The following DPY30 variants were observed in gnomAD, a reference collection of about 807,000 sequenced individuals.
The protein encoded by DPY30 is protein dpy-30 homolog.
Under a neutral mutation model 16.2 loss-of-function variants are expected in DPY30, and 6 were observed. The observed-to-expected ratio is 0.37, with a 90% confidence interval of 0.20 to 0.73. DPY30 has a LOEUF of 0.73. DPY30 is among the 30% of genes least tolerant of loss of function. DPY30 has a pLI of 0.51. For synonymous variants in DPY30, 39 were observed against 38.8 expected (o/e 1.00, Z -0.02); for missense variants, 73 against 113.1 (o/e 0.65, Z 1.61).
intron 3 of DPY30, among the ~76,000 whole-genome samples, chr2:32,036,690 AC>A (rs1229616279): frequency 6.7e-6 from 1 of 149,186 alleles, no homozygotes; most frequent in Non-Finnish European, 1.5e-5. Flanking sequence ...AAAAAAAGAA[AC>A]CCAGTGTCTA....
At chr2:32,016,214 T>A (rs767593619) in intron 5 of DPY30, among the ~76,000 whole-genome samples, 1 of 152,164 alleles carries the variant, frequency 6.6e-6, no homozygotes, top group Admixed American at 6.6e-5. Flanking sequence ...CTGGCAAGGT[T>A]TTTTAAAAAA....
At chr2:32,029,454 T>C (rs1161697216) in intron 4 of DPY30, 140 bp downstream of exon 4, 4 of 981,682 alleles carry the variant, frequency 4.1e-6, no homozygotes, top group Non-Finnish European at 5.9e-6. Flanking sequence ...ATTATGAGAT[T>C]ATGGCTGAAT....
intron 4 of DPY30, among the ~76,000 whole-genome samples, chr2:32,029,340 TAATA>T (rs1189419074): frequency 2.0e-5 from 3 of 152,256 alleles, no homozygotes; most frequent in Admixed American, 6.6e-5. Flanking sequence ...TGTTATGTCA[TAATA>T]AATAAAAAGA....
chr2:32,022,007 C>T (rs571808147), downstream of DPY30, among the ~76,000 whole-genome samples: 54 of 151,964 alleles, frequency 3.6e-4, 1 homozygote, highest in East Asian at 2.7e-3. Flanking sequence ...GTCAGGAATT[C>T]GAGACCAGCC....
In DPY30 at chr2:32,024,075, G is replaced by C; in HGVS notation, c.*109C>G. 3 of 1,516,432 alleles carry C rather than the reference G, an allele frequency of 2.0e-6. No individual in the cohort carries two copies. The highest frequency in any genetic ancestry group is 2.8e-5 in the African/African-American group (2 of 71,186). The allele number at this position is 1,516,432 out of a possible 1,614,324, so 93.9% of individuals were successfully genotyped here. Reference sequence around the variant, plus strand: ...ATTCCAGAAATAGGTTCTGTTGTCCGGAAGGTTCTTATACATCCAAAAAGA... The same window carrying C: ...ATTCCAGAAATAGGTTCTGTTGTCCCGAAGGTTCTTATACATCCAAAAAGA... On this transcript the variant is annotated 3_prime_UTR_variant, in exon 5 of 5. Coordinates refer to ENST00000342166, the MANE Select transcript of DPY30 (RefSeq NM_001321209.2).
Position 32,014,020 on chromosome 2 carries a change from G to A in DPY30, n.378-1968C>T, listed in dbSNP as rs115265721. On this transcript the variant is annotated intron_variant and non_coding_transcript_variant, in intron 5 of 5. Coordinates refer to the DPY30 transcript ENST00000414013. ...CAAGACTCTGAGAAAGAAAGAAAGAGAGAAAGAGAGAGACAGAGAGGGAGG... is the reference window on the plus strand; with the variant it reads ...CAAGACTCTGAGAAAGAAAGAAAGAAAGAAAGAGAGAGACAGAGAGGGAGG... 2.3e-3 allele frequency among the ~76,000 whole-genome samples: 340 copies of A among 147,346 alleles called. 1 individual carries two copies. The highest frequency in any genetic ancestry group is 8.0e-3 in the African/African-American group (323 of 40,610).
intron 3 of DPY30, among the ~76,000 whole-genome samples, chr2:32,035,485 G>A (rs911376229): frequency 1.3e-5 from 2 of 151,568 alleles, no homozygotes; most frequent in African/African-American, 4.9e-5. Flanking sequence ...AGCTACTTGG[G>A]AGGCTGAGGC....
chr2:32,019,473 T>C (rs1447083559), downstream of DPY30, among the ~76,000 whole-genome samples: 2 of 152,086 alleles, frequency 1.3e-5, no homozygotes, highest in Non-Finnish European at 2.9e-5. Flanking sequence ...ATCATATCAC[T>C]GCACTCCAGC....
chr2:32,023,863 G>T, downstream of DPY30: 1 of 1,317,804 alleles, frequency 7.6e-7, no homozygotes, highest in Non-Finnish European at 1.0e-6. Context: ...ATTCAATCAT[G>T]TAAAATATTT....
downstream of DPY30, among the ~76,000 whole-genome samples, chr2:32,023,081 G>GATCCAC (rs1675220479): frequency 6.6e-6 from 1 of 151,592 alleles, no homozygotes; most frequent in South Asian, 2.1e-4. Context: ...ACTTTGGGGG[G>GATCCAC]CCAAGGCAGG....
At chr2:32,014,596 G>C (rs976314426) in intron 5 of DPY30, among the ~76,000 whole-genome samples, 1 of 151,528 alleles carries the variant, frequency 6.6e-6, no homozygotes, top group African/African-American at 2.4e-5. Flanking sequence ...CCATTCTCCT[G>C]CCTCAGCCTC....
At chr2:32,014,708 C>A (rs1313792925) in intron 5 of DPY30, among the ~76,000 whole-genome samples, 1 of 151,890 alleles carries the variant, frequency 6.6e-6, no homozygotes, top group Non-Finnish European at 1.5e-5. Flanking sequence ...TGGTTTCGAT[C>A]TCCTGACCTC....
chr2:32,023,918 GT>G lies in DPY30; in HGVS notation c.*265del. ...ACTTTAAAATAATGGTGTTTTGACA[GT>G]TTATTTTGAAGGTCATTTTAAAAAC... is the stretch of plus-strand genomic sequence containing the variant. On this transcript the variant is annotated 3_prime_UTR_variant, in exon 5 of 5. Transcript: ENST00000342166. 1 of 1,355,102 alleles carries G rather than the reference GT, an allele frequency of 7.4e-7. No homozygotes were observed. The highest frequency in any genetic ancestry group is 1.5e-5 in the South Asian group (1 of 68,706). The allele number at this position is 1,355,102 out of a possible 1,614,324, so 83.9% of individuals were successfully genotyped here. A position where few individuals can be genotyped will look rare whatever the true frequency, so the allele number is the denominator to read the frequency against.
chr2:32,038,207 C>T (rs1253392317), intron 3 of DPY30, among the ~76,000 whole-genome samples: 2 of 147,558 alleles, frequency 1.4e-5, no homozygotes, highest in African/African-American at 5.0e-5. Context: ...ATGATCTCGG[C>T]TCACTGCAAC....
At chr2:32,039,516 A>T in intron 1 of DPY30, 24 bp from the exon 2 acceptor site, 1 of 1,612,160 alleles carries the variant, frequency 6.2e-7, no homozygotes, top group Non-Finnish European at 8.5e-7. Context: ...AAGAGCCGCG[A>T]GTTACCTGGG....
chr2:32,038,135 C>CTT (rs35016868), intron 3 of DPY30, among the ~76,000 whole-genome samples: 2,221 of 107,932 alleles, frequency 0.021, 41 homozygotes, highest in East Asian at 0.052. Context: ...CATTTTCTTT[C>CTT]TTTTTTTTTT....
chr2:32,032,508 TCA>T (rs1340674346), intron 3 of DPY30, among the ~76,000 whole-genome samples: 2 of 152,178 alleles, frequency 1.3e-5, no homozygotes, highest in East Asian at 1.9e-4. Context: ...CTTCAAAATC[TCA>T]CAGTGTATTT....
chr2:32,030,024 C>CCTTTTT (rs1553388561), intron 3 of DPY30, among the ~76,000 whole-genome samples: 1 of 151,170 alleles, frequency 6.6e-6, no homozygotes, highest in Non-Finnish European at 1.5e-5. Flanking sequence ...AAATACAAAT[C>CCTTTTT]CTTTTTCTCT....
chr2:32,028,598 C>T (rs542120007), intron 4 of DPY30, among the ~76,000 whole-genome samples: 51 of 152,192 alleles, frequency 3.4e-4, no homozygotes, highest in African/African-American at 1.1e-3. Context: ...GTCAAGAGAT[C>T]GAGATCATTC....
Sources: gnomAD v4.1 joint callset for allele counts (sites outside exome capture counted in the v4.1 genomes callset) on GRCh38, gnomAD v4.1.1 for gene constraint, MANE v1.5 for transcripts, NCBI Gene and HGNC (gene_info 2026-07-23, HGNC 2026-07-21) for gene names.